The following PUS3 variants were observed in gnomAD, a reference collection of about 807,000 sequenced individuals.
PUS3 encodes the protein tRNA pseudouridine(38/39) synthase.
In PUS3, 36 loss-of-function variants were observed where a neutral mutation model predicts 43.3. That is an observed-to-expected ratio of 0.83 (90% CI 0.64 to 1.10). The LOEUF (loss-of-function observed/expected upper bound fraction) is 1.10. Among genes scored for constraint, PUS3 ranks in the 50% least tolerant of loss-of-function variants. The pLI, the probability that PUS3 is intolerant of heterozygous loss-of-function variation, is 0.00. For missense variants in PUS3, 544 were observed against 589.9 expected (o/e 0.92, Z 0.81); for synonymous variants, 183 against 199.2 (o/e 0.92, Z 0.69).
chr11:125,899,163 T>TA, intron 1 of PUS3: 1 of 569,220 alleles, frequency 1.8e-6, no homozygotes, highest in Non-Finnish European at 3.1e-6. Context: ...AAGCAGGTAA[T>TA]AGATTCCCTA....
Position 125,896,038 on chromosome 11 carries a change from C to G in PUS3, c.247G>C (p.Glu83Gln). The change falls in exon 2 of 4, where the codon GAA becomes CAA. Residue 83 changes from glutamate (E) to glutamine (Q), a missense_variant. Physicochemically the swap from Glu to Gln is conservative, Grantham distance 29. Coordinates refer to ENST00000227474, the MANE Select transcript of PUS3 (RefSeq NM_031307.4). ...GWGYQGFASQ[E>Q]NTNNTIEEKL... ...TCTTCAATGGTATTATTTGTGTTTT[C>G]CTGACTAGCAAAGCCCTGGTATCCC... 6.2e-7 allele frequency: 1 copy of G among 1,614,190 alleles called. No homozygotes were observed. The highest frequency in any genetic ancestry group is 1.6e-4 in the Middle Eastern group (1 of 6,062).
chr11:125,902,141 C>T (rs1449937644), intron 1 of PUS3, among the ~76,000 whole-genome samples: 1 of 152,136 alleles, frequency 6.6e-6, no homozygotes, highest in African/African-American at 2.4e-5. Context: ...CACTACAGTG[C>T]TTTTTCCAGC....
intron 1 of PUS3, among the ~76,000 whole-genome samples, chr11:125,901,166 A>G (rs1031938007): frequency 2.6e-5 from 4 of 152,222 alleles, no homozygotes; most frequent in Non-Finnish European, 5.9e-5. Flanking sequence ...AAACAGTACC[A>G]TATAACATAC....
rs1195452063 is a variant in PUS3 at position 125,896,086 on chromosome 11, G to A, written c.199C>T (p.Leu67=). The change falls in exon 2 of 4, where the codon CTA becomes TTA. Residue 67 remains leucine (L), a synonymous_variant. Transcript: ENST00000227474. ...CCCCAGCCCATATAGGCTATTCTTA[G>A]GGCTACGTGTCTTCGGCCATGAGCA... ...FSAHGRRHVA[L]RIAYMGWGYQ... The A allele has an allele frequency of 1.9e-6, 3 of 1,614,200 alleles. No individual in the cohort carries two copies. The highest frequency in any genetic ancestry group is 1.7e-5 in the Admixed American group (1 of 60,022).
chr11:125,902,376 C>CGGGGGGTGGGGGG, intron 1 of PUS3, among the ~76,000 whole-genome samples: 1 of 9,422 alleles, frequency 1.1e-4, no homozygotes, highest in African/African-American at 4.0e-4. Flanking sequence ...GGGGTGGTGG[C>CGGGGGGTGGGGGG]GGGGGGGAGG....
At chr11:125,899,903 T>G in intron 1 of PUS3, 1 of 1,614,170 alleles carries the variant, frequency 6.2e-7, no homozygotes, top group Middle Eastern at 1.6e-4. Context: ...AGGAATGGGC[T>G]CTCCAGCTTA....
intron 1 of PUS3, chr11:125,900,825 A>G (rs1944750413): frequency 6.5e-6 from 1 of 154,750 alleles, no homozygotes; most frequent in Non-Finnish European, 1.4e-5. Flanking sequence ...CCTGGCTAAC[A>G]CGGCGAAACC....
Position 125,894,168 on chromosome 11 carries a change from G to T in PUS3, c.1063C>A (p.His355Asn), listed in dbSNP as rs145199988. 6.2e-6 allele frequency: 10 copies of T among 1,614,014 alleles called. No individual in the cohort carries two copies. Among genetic ancestry groups the T allele is most frequent in the Non-Finnish European group, 8.5e-6 (10 of 1,180,020 alleles). ...ITHLQQLWAN[H>N]AVKTHMLYSM... is the part of the protein sequence containing the mutation. ...TACAACATGTGAGTTTTGACAGCAT[G>T]ATTAGCCCACAGTTGTTGTAGGTGG... Residue 355 changes from histidine (H) to asparagine (N), a missense_variant, in exon 4 of 4, where the codon CAT becomes AAT. His to Asn is a moderately conservative substitution (Grantham distance 68). Coordinates refer to ENST00000227474, the MANE Select transcript of PUS3 (RefSeq NM_031307.4).
intron 1 of PUS3, among the ~76,000 whole-genome samples, chr11:125,902,852 A>C (rs951714698): frequency 4.6e-5 from 7 of 151,968 alleles, no homozygotes; most frequent in African/African-American, 1.7e-4. Flanking sequence ...TTTTATGAGC[A>C]CCCAATTCTA....
chr11:125,894,078 T>G lies in PUS3; in HGVS notation c.1153A>C (p.Met385Leu), dbSNP rs1250290624. 1.2e-6 allele frequency: 2 copies of G among 1,614,096 alleles called. No individual in the cohort carries two copies. The highest frequency in any genetic ancestry group is 8.5e-7 in the Non-Finnish European group (1 of 1,180,048). ...GGCTTAACATTTCCCCATTCTGTCATTCCATCCATCTTTGGTCCTATTCCA... is the reference window on the plus strand; with the variant it reads ...GGCTTAACATTTCCCCATTCTGTCAGTCCATCCATCTTTGGTCCTATTCCA... ...PCGIGPKMDG[M>L]TEWGNVKPSV... Residue 385 changes from methionine to leucine, a missense_variant, in exon 4 of 4, where the codon ATG becomes CTG. Coordinates refer to ENST00000227474, the MANE Select transcript of PUS3 (RefSeq NM_031307.4).
At chr11:125,902,731 C>A (rs1445627355) in intron 1 of PUS3, among the ~76,000 whole-genome samples, 1 of 151,932 alleles carries the variant, frequency 6.6e-6, no homozygotes, top group Non-Finnish European at 1.5e-5. Flanking sequence ...AGCAGACACG[C>A]ACTATGATCA....
intron 3 of PUS3, among the ~76,000 whole-genome samples, 153 bp downstream of exon 3, chr11:125,895,071 C>A (rs1243009411): frequency 3.4e-5 from 5 of 148,338 alleles, no homozygotes; most frequent in Non-Finnish European, 7.4e-5. Flanking sequence ...TTTTTTAAGA[C>A]AGTCTCCCTC....
At chr11:125,896,459 T>G (rs975897748) in intron 1 of PUS3, 129 bp from the exon 2 acceptor site, 1 of 649,398 alleles carries the variant, frequency 1.5e-6, no homozygotes, top group South Asian at 2.2e-5. Context: ...AAGCATTAGC[T>G]TTATTGTGGG....
Position 125,895,415 on chromosome 11 carries a change from C to T in PUS3, c.753G>A (p.Gln251=). Residue 251 remains glutamine, a synonymous_variant, in exon 3 of 4, where the codon CAG becomes CAA. Coordinates refer to ENST00000227474, the MANE Select transcript of PUS3 (RefSeq NM_031307.4). ...CTTGCCATCTCCCCTCACCTGGGCT[C>T]TGGCCCACTAGCTGTACTTGAGCAG... ...ILSAQVQLVG[Q]SPGEGRWQEP... 6.2e-7 allele frequency: 1 copy of T among 1,614,088 alleles called. No homozygotes were observed. The highest frequency in any genetic ancestry group is 8.5e-7 in the Non-Finnish European group (1 of 1,179,978).
Position 125,895,998 on chromosome 11 carries a change from G to A in PUS3, c.287C>T (p.Ala96Val), listed in dbSNP as rs1944574216. The change falls in exon 2 of 4, where the codon GCT becomes GTT. Residue 96 changes from alanine to valine, a missense_variant. Coordinates refer to ENST00000227474, the MANE Select transcript of PUS3 (RefSeq NM_031307.4). ...TTCTACTAGTCGAGTCTTGGTTAGA[G>A]CTTCAAACAGTTTCTCTTCAATGGT... ...NNTIEEKLFE[A>V]LTKTRLVESR... The A allele has an allele frequency of 3.7e-6, 6 of 1,614,158 alleles. No individual in the cohort carries two copies. The highest frequency in any genetic ancestry group is 1.6e-4 in the Middle Eastern group (1 of 6,062).
At chr11:125,897,118 A>G (rs2134249779) in intron 1 of PUS3, among the ~76,000 whole-genome samples, 1 of 152,306 alleles carries the variant, frequency 6.6e-6, no homozygotes. Flanking sequence ...TAAAATTGGG[A>G]TGGTCCTAGA....
chr11:125,894,407 G>T, intron 3 of PUS3, 121 bp from the exon 4 acceptor site: 1 of 709,754 alleles, frequency 1.4e-6, no homozygotes, highest in Non-Finnish European at 2.3e-6. Flanking sequence ...TGTTAATATT[G>T]CCTAATAGCT....
intron 1 of PUS3, chr11:125,900,529 A>G (rs1278197736): frequency 1.0e-5 from 5 of 478,100 alleles, no homozygotes; most frequent in Non-Finnish European, 2.0e-5. Flanking sequence ...TCAAATTAGT[A>G]AGGGCCCTTT....
chr11:125,900,012 G>C, intron 1 of PUS3: 1 of 1,614,194 alleles, frequency 6.2e-7, no homozygotes, highest in Non-Finnish European at 8.5e-7. Flanking sequence ...CGGGTAGCCC[G>C]GTATTTTGAG....
Sources: gnomAD v4.1 joint callset for allele counts (sites outside exome capture counted in the v4.1 genomes callset) on GRCh38, gnomAD v4.1.1 for gene constraint, MANE v1.5 for transcripts, NCBI Gene and HGNC (gene_info 2026-07-23, HGNC 2026-07-21) for gene names.